The following GRB2 variants were observed in gnomAD, a reference collection of about 807,000 sequenced individuals.
The protein encoded by GRB2 is growth factor receptor-bound protein 2.
Under a neutral mutation model 27.4 loss-of-function variants are expected in GRB2, and 2 were observed. That is an observed-to-expected ratio of 0.07 (90% CI 0.03 to 0.23). The LOEUF (loss-of-function observed/expected upper bound fraction) is 0.23, where lower values mean the gene tolerates loss of function less well. Ranked by LOEUF, GRB2 falls within the 10% of genes least tolerant of loss-of-function variation. GRB2 has a pLI of 1.00. For missense variants in GRB2, 102 were observed against 282.4 expected (o/e 0.36, Z 4.58); for synonymous variants, 94 against 99.6 (o/e 0.94, Z 0.33).
intron 2 of GRB2, among the ~76,000 whole-genome samples, chr17:75,342,670 G>T (rs910052652): frequency 1.3e-5 from 2 of 152,146 alleles, no homozygotes; most frequent in Admixed American, 6.5e-5. Flanking sequence ...GGAGGTAAGA[G>T]AATTAAACAA....
chr17:75,354,411 T>C (rs1243326013), intron 2 of GRB2, among the ~76,000 whole-genome samples: 1 of 152,102 alleles, frequency 6.6e-6, no homozygotes, highest in Non-Finnish European at 1.5e-5. Context: ...TACAGGTGCC[T>C]GCCACCACAA....
intron 3 of GRB2, 32 bp from the exon 4 acceptor site, chr17:75,326,052 G>A: frequency 1.2e-6 from 2 of 1,613,196 alleles, no homozygotes; most frequent in Non-Finnish European, 1.7e-6. Flanking sequence ...GTCAACATCT[G>A]CTTCCCCACA....
At chr17:75,389,950 TCTTA>T (rs2078988369) in intron 2 of GRB2, among the ~76,000 whole-genome samples, 1 of 152,230 alleles carries the variant, frequency 6.6e-6, no homozygotes, top group South Asian at 2.1e-4. Flanking sequence ...ATCTCAATTC[TCTTA>T]CTTGAGATTT....
chr17:75,338,465 C>A (rs935921228), intron 2 of GRB2, among the ~76,000 whole-genome samples: 1 of 152,182 alleles, frequency 6.6e-6, no homozygotes, highest in African/African-American at 2.4e-5. Flanking sequence ...CACAAATCCA[C>A]GGGTGAGCTC....
intron 2 of GRB2, among the ~76,000 whole-genome samples, chr17:75,351,149 G>T (rs2078689868): frequency 6.6e-6 from 1 of 152,064 alleles, no homozygotes. Context: ...TTGAGATTAG[G>T]GTAGGGGGCT....
chr17:75,338,865 G>C (rs1369851649), intron 2 of GRB2: 6 of 782,658 alleles, frequency 7.7e-6, no homozygotes, highest in Non-Finnish European at 1.2e-5. Flanking sequence ...CTTTCTCTAA[G>C]AAGTGTGGCA....
chr17:75,331,069 G>A (rs1399931394), intron 3 of GRB2, among the ~76,000 whole-genome samples: 1 of 152,158 alleles, frequency 6.6e-6, no homozygotes, highest in Non-Finnish European at 1.5e-5. Flanking sequence ...GAGAAGGCCT[G>A]GTACTGACCC....
At chr17:75,347,221 G>A (rs2078661082) in intron 2 of GRB2, among the ~76,000 whole-genome samples, 1 of 152,198 alleles carries the variant, frequency 6.6e-6, no homozygotes, top group African/African-American at 2.4e-5. Context: ...CCTCACAGGG[G>A]CGGGTCTCCA....
intron 2 of GRB2, among the ~76,000 whole-genome samples, chr17:75,388,057 T>C (rs1014106341): frequency 6.6e-6 from 1 of 152,156 alleles, no homozygotes; most frequent in Non-Finnish European, 1.5e-5. Context: ...GCAGATTATT[T>C]GCTTTAAGAG....
intron 2 of GRB2, chr17:75,387,458 A>G (rs554202374): frequency 6.6e-5 from 10 of 151,940 alleles, no homozygotes; most frequent in African/African-American, 2.4e-4. Context: ...TCTTAAAAAA[A>G]AAAAAAAAAA....
chr17:75,389,622 G>A (rs1395091038), intron 2 of GRB2, among the ~76,000 whole-genome samples: 2 of 152,216 alleles, frequency 1.3e-5, no homozygotes, highest in South Asian at 2.1e-4. Flanking sequence ...CGAGACGGGC[G>A]GATCACCAGG....
intron 2 of GRB2, chr17:75,372,031 T>TG (rs1359652682): frequency 5.3e-5 from 8 of 152,196 alleles, no homozygotes; most frequent in African/African-American, 1.9e-4. Context: ...ACAATAATTA[T>TG]GGTTTTGCTG....
chr17:75,327,811 G>GT (rs1224777012), intron 3 of GRB2, among the ~76,000 whole-genome samples: 1 of 152,188 alleles, frequency 6.6e-6, no homozygotes, highest in African/African-American at 2.4e-5. Flanking sequence ...CCTTGTGTGT[G>GT]TGTGTCAGCC....
intron 2 of GRB2, among the ~76,000 whole-genome samples, chr17:75,363,593 C>T (rs1481386382): frequency 6.6e-6 from 1 of 152,014 alleles, no homozygotes; most frequent in Non-Finnish European, 1.5e-5. Flanking sequence ...GGCATGGTGG[C>T]TCACGCCTGT....
In GRB2 at chr17:75,359,205, C is replaced by G. The variant is rs889708406; in HGVS notation, c.79-26408G>C. Among the ~76,000 whole-genome samples the G allele has an allele frequency of 2.7e-4, 38 of 139,022 alleles. 1 individual carries two copies. The Admixed American group carries it at 2.8e-3, about 10-fold the overall frequency. 91.2% of individuals were successfully genotyped at this position (139,022 alleles called of 152,430 possible). On this transcript the variant is annotated intron_variant, in intron 2 of 5. Coordinates refer to ENST00000316804, the MANE Select transcript of GRB2 (RefSeq NM_002086.5). ...AAAAAAAGAGGAATAATAGACAATA[C>G]AACTTTGGTTAAATTGTCTCCAAAT... is the stretch of plus-strand genomic sequence containing the variant.
At chr17:75,385,956 C>T (rs1265857347) in intron 2 of GRB2, among the ~76,000 whole-genome samples, 1 of 152,108 alleles carries the variant, frequency 6.6e-6, no homozygotes. Context: ...ATTTCATGAA[C>T]TGGAAGGTGC....
At chr17:75,354,141 C>T (rs1453682602) in intron 2 of GRB2, among the ~76,000 whole-genome samples, 1 of 151,970 alleles carries the variant, frequency 6.6e-6, no homozygotes, top group African/African-American at 2.4e-5. Flanking sequence ...AAGGCTATTT[C>T]GGCTGGGTAT....
In GRB2 at chr17:75,359,162, C is replaced by CA. The variant is rs3082676; in HGVS notation, c.79-26366dup. On this transcript the variant is annotated intron_variant, in intron 2 of 5. Coordinates refer to ENST00000316804, the MANE Select transcript of GRB2 (RefSeq NM_002086.5). ...CCCAGGAGGGTTTGAGACTACATCT[C>CA]AAAAAAAAAAAAAAAAAAAAAAAAG... Among the ~76,000 whole-genome samples the CA allele has an allele frequency of 3.4e-3, 223 of 64,686 alleles. 3 individuals carry two copies. Among genetic ancestry groups the CA allele is most frequent in the African/African-American group, 8.8e-3 (160 of 18,250 alleles). 42.4% of individuals were successfully genotyped at this position (64,686 alleles called of 152,430 possible).
In GRB2 at chr17:75,355,956, G is replaced by C. The variant is rs184113197; in HGVS notation, c.79-23159C>G. 8.6e-5 allele frequency among the ~76,000 whole-genome samples: 13 copies of C among 151,300 alleles called. No individual in the cohort carries two copies. In the East Asian group the frequency reaches 1.8e-3, roughly 20 times the overall value. ...AGCAATTCTCCTGTCTCAGCCTCTC[G>C]AGTAGCTGGGACTACAGACGCACGC... On this transcript the variant is annotated intron_variant, in intron 2 of 5. Transcript: ENST00000316804.
Sources: allele counts gnomAD v4.1 joint callset (sites outside exome capture counted in the v4.1 genomes callset), GRCh38; gene constraint gnomAD v4.1.1; transcripts MANE v1.5; gene names NCBI Gene and HGNC (gene_info 2026-07-23, HGNC 2026-07-21).